Variants in PCDHA8 observed in about 807,000 individuals in gnomAD.
The protein encoded by PCDHA8 is protocadherin alpha 8.
A neutral mutation model predicts 61.8 loss-of-function variants in PCDHA8; 53 were observed. The ratio of observed to expected loss-of-function variants is 0.86; its 90% CI spans 0.69 to 1.08. The LOEUF (loss-of-function observed/expected upper bound fraction) is 1.08, where lower values mean the gene tolerates loss of function less well. PCDHA8 is among the 50% of genes least tolerant of loss of function. The pLI, the probability that PCDHA8 is intolerant of heterozygous loss-of-function variation, is 0.00. For synonymous variants in PCDHA8, 618 were observed against 556.6 expected, an observed-to-expected ratio of 1.11 and a Z score of -1.55; for missense variants, 1,293 against 1,245.0, an observed-to-expected ratio of 1.04 and a Z score of -0.58.
At chr5:140,965,314 T>C (rs563123453) in intron 1 of PCDHA8, among the ~76,000 whole-genome samples, 1 of 152,254 alleles carries the variant, frequency 6.6e-6, no homozygotes, top group East Asian at 1.9e-4. Flanking sequence ...TACCTTCTCT[T>C]TTACTGAAGT....
At chr5:140,946,629 T>TATATATATATATAC (rs1367833800) in intron 1 of PCDHA8, among the ~76,000 whole-genome samples, 1 of 123,274 alleles carries the variant, frequency 8.1e-6, no homozygotes, top group Admixed American at 8.1e-5. Flanking sequence ...TATATATATA[T>TATATATATATATAC]ATACAATGGA....
intron 1 of PCDHA8, chr5:140,853,583 T>G: frequency 1.0e-6 from 1 of 985,318 alleles, no homozygotes; most frequent in Non-Finnish European, 1.2e-6. Context: ...CCCAATATCT[T>G]AGACACTTTG....
Position 140,858,208 on chromosome 5 carries a change from G to A in PCDHA8, c.2394+14493G>A. 3 of 1,595,856 alleles carry A rather than the reference G, an allele frequency of 1.9e-6. 1 individual carries two copies. The highest frequency in any genetic ancestry group is 2.6e-6 in the Non-Finnish European group (3 of 1,166,438). ...CGCTGCTGCTGTACACTGCACTGAG[G>A]TGCTCGGCGGCGCCCACCGAGGGCG... On this transcript the variant is annotated intron_variant, in intron 1 of 3. Coordinates refer to ENST00000531613, the MANE Select transcript of PCDHA8 (RefSeq NM_018911.3).
At chr5:140,951,440 A>G (rs1296002857) in intron 1 of PCDHA8, among the ~76,000 whole-genome samples, 2 of 152,004 alleles carry the variant, frequency 1.3e-5, no homozygotes, top group Non-Finnish European at 2.9e-5. Flanking sequence ...TGTAGGAAGC[A>G]TGATGCCGGC....
chr5:140,876,784 A>T (rs1336979041), intron 1 of PCDHA8: 1 of 1,614,094 alleles, frequency 6.2e-7, no homozygotes, highest in Non-Finnish European at 8.5e-7. Flanking sequence ...GCTGTGGGCC[A>T]CGGCTAGAGT....
At chr5:140,880,694 A>C (rs1254061280) in intron 1 of PCDHA8, among the ~76,000 whole-genome samples, 1 of 152,228 alleles carries the variant, frequency 6.6e-6, no homozygotes, top group Non-Finnish European at 1.5e-5. Context: ...AGTCATGGTT[A>C]AGTGACAATG....
chr5:140,843,891 A>G (rs1554140482), intron 1 of PCDHA8, 176 bp downstream of exon 1: 1 of 685,390 alleles, frequency 1.5e-6, no homozygotes, highest in Non-Finnish European at 2.4e-6. Context: ...TACAGTATTA[A>G]TCATTCTCCA....
At chr5:140,927,419 G>A (rs781883331) in intron 1 of PCDHA8, 1 of 1,614,140 alleles carries the variant, frequency 6.2e-7, no homozygotes, top group South Asian at 1.1e-5. Flanking sequence ...ATGGGATCGC[G>A]GGTTGACGGC....
chr5:140,977,876 G>A (rs1425308379), intron 1 of PCDHA8, among the ~76,000 whole-genome samples: 3 of 152,190 alleles, frequency 2.0e-5, no homozygotes, highest in Non-Finnish European at 2.9e-5. Flanking sequence ...TAAGTATAAT[G>A]TAGAGGAAAA....
chr5:140,841,833 G>C lies in PCDHA8; in HGVS notation c.512G>C (p.Arg171Thr). ...GGAGCTAACTCCGTGTTAACCTACA[G>C]GCTTAGCTCTCATGATTACTTCATG... ...DVGANSVLTY[R>T]LSSHDYFMLD... The change falls in exon 1 of 4, where the codon AGG becomes ACG. Residue 171 changes from arginine (R) to threonine (T), a missense_variant. Physicochemically the swap from Arg to Thr is moderately conservative, Grantham distance 71. Transcript: ENST00000531613. 1 of 1,613,938 alleles carries C rather than the reference G, an allele frequency of 6.2e-7. No homozygotes were observed. Among genetic ancestry groups the C allele is most frequent in the Non-Finnish European group, 8.5e-7 (1 of 1,179,878 alleles).
chr5:140,923,247 T>G (rs1230824523), intron 1 of PCDHA8, among the ~76,000 whole-genome samples: 6 of 152,252 alleles, frequency 3.9e-5, no homozygotes, highest in African/African-American at 1.4e-4. Flanking sequence ...TGAGACCAGC[T>G]GGGCAACATA....
At chr5:141,002,456 A>G (rs2098081347) in intron 3 of PCDHA8, among the ~76,000 whole-genome samples, 1 of 152,242 alleles carries the variant, frequency 6.6e-6, no homozygotes, top group Non-Finnish European at 1.5e-5. Context: ...GCACATTTGT[A>G]TAACGCTTTA....
At chr5:140,968,716 T>C (rs1554230993) in intron 1 of PCDHA8, 2 of 1,614,058 alleles carry the variant, frequency 1.2e-6, no homozygotes, top group Admixed American at 1.7e-5. Flanking sequence ...AGATGGGAGA[T>C]GAGAGTGGTA....
chr5:140,934,236 T>C (rs532427064), intron 1 of PCDHA8, among the ~76,000 whole-genome samples: 1 of 152,290 alleles, frequency 6.6e-6, no homozygotes, highest in South Asian at 2.1e-4. Context: ...TTGTACTTAA[T>C]TGTGGAGATT....
chr5:140,863,012 G>A, intron 1 of PCDHA8: 1 of 552,296 alleles, frequency 1.8e-6, no homozygotes, highest in South Asian at 1.4e-5. Context: ...CAGCTATGAC[G>A]CCTGGTTGTC....
intron 1 of PCDHA8, chr5:140,871,239 C>G: frequency 6.2e-7 from 1 of 1,613,976 alleles, no homozygotes; most frequent in Non-Finnish European, 8.5e-7. Context: ...TCCTGGTACT[C>G]ACGCTGCTGC....
chr5:140,916,582 A>G (rs1191941149), intron 1 of PCDHA8, among the ~76,000 whole-genome samples: 7 of 152,188 alleles, frequency 4.6e-5, no homozygotes, highest in Non-Finnish European at 1.0e-4. Flanking sequence ...AATGTCATCC[A>G]TGAGCTAGGG....
intron 1 of PCDHA8, among the ~76,000 whole-genome samples, chr5:140,921,063 T>G (rs1054649837): frequency 6.6e-6 from 1 of 152,078 alleles, no homozygotes; most frequent in Admixed American, 6.6e-5. Context: ...CACTCTAACC[T>G]TGAACTCTTG....
At position 140,850,562 on chromosome 5, in the gene PCDHA8, C is replaced by G. The variant is rs2150489447; in HGVS notation, c.2394+6847C>G. On this transcript the variant is annotated intron_variant, in intron 1 of 3. Transcript: ENST00000531613. Reference sequence around the variant, plus strand: ...GGGCGTCAGTGGGTGCCACGGGCCCCGAGGTGACGCTGGTGGATGTCAACG... The same window carrying G: ...GGGCGTCAGTGGGTGCCACGGGCCCGGAGGTGACGCTGGTGGATGTCAACG... 18 of 1,598,196 alleles carry G rather than the reference C, an allele frequency of 1.1e-5. 1 individual carries two copies. Among genetic ancestry groups the G allele is most frequent in the Admixed American group, 8.4e-5 (5 of 59,298 alleles).
Sources: gnomAD v4.1 joint callset for allele counts (sites outside exome capture counted in the v4.1 genomes callset) on GRCh38, gnomAD v4.1.1 for gene constraint, MANE v1.5 for transcripts, NCBI Gene and HGNC (gene_info 2026-07-23, HGNC 2026-07-21) for gene names.